The following SETX variants were observed in gnomAD, a reference collection of about 807,000 sequenced individuals.
SETX encodes the protein helicase senataxin.
Under a neutral mutation model 227.2 loss-of-function variants are expected in SETX, and 90 were observed. The observed-to-expected ratio is 0.40, with a 90% CI of 0.33 to 0.47. The LOEUF (loss-of-function observed/expected upper bound fraction) is 0.47, where lower values mean the gene tolerates loss of function less well. SETX is among the 20% of genes least tolerant of loss of function. The pLI, the probability that SETX is intolerant of heterozygous loss-of-function variation, is 0.91. For missense variants in SETX, 3,052 were observed against 3,181.5 expected, an observed-to-expected ratio of 0.96 and a Z score of 0.98; for synonymous variants, 1,210 against 1,113.2, an observed-to-expected ratio of 1.09 and a Z score of -1.73.
At position 132,300,703 on chromosome 9, in the gene SETX, T is replaced by C; in HGVS notation, c.5475A>G (p.Thr1825=). The part of the protein sequence containing the change: ...PERINEEKKD[T]ERNDIQDLHE... The stretch of plus-strand genomic sequence containing the variant: ...GGAGATCTTGTATGTCATTTCTCTC[T>C]GTATCTTTCTTCTCTTCATTTATTC... The change falls in exon 12 of 26, where the codon ACA becomes ACG. Residue 1825 remains threonine (T), a synonymous_variant. Coordinates refer to ENST00000224140, the MANE Select transcript of SETX (RefSeq NM_015046.7). The C allele has an allele frequency of 6.2e-7, 1 of 1,613,838 alleles. No individual in the cohort carries two copies. Among genetic ancestry groups the C allele is most frequent in the Non-Finnish European group, 8.5e-7 (1 of 1,179,928 alleles).
chr9:132,313,930 GT>G (rs11313530), intron 10 of SETX, among the ~76,000 whole-genome samples: 80,570 of 148,810 alleles, frequency 0.54, 23,799 homozygotes, highest in East Asian at 0.81. Flanking sequence ...AAGTTTTTTG[GT>G]TTTTTTTTTT....
intron 23 of SETX, chr9:132,274,993 A>G: frequency 2.1e-6 from 1 of 475,320 alleles, no homozygotes; most frequent in South Asian, 3.0e-5. Context: ...AAGTCATGGA[A>G]CTAAAAGGTA....
chr9:132,274,744 C>A (rs960581747), intron 23 of SETX, among the ~76,000 whole-genome samples: 3 of 152,206 alleles, frequency 2.0e-5, no homozygotes, highest in Admixed American at 2.0e-4. Flanking sequence ...CCACACCCAG[C>A]CTACAGGTCT....
At chr9:132,352,846 A>G (rs1848671626) in intron 2 of SETX, among the ~76,000 whole-genome samples, 1 of 152,210 alleles carries the variant, frequency 6.6e-6, no homozygotes, top group Non-Finnish European at 1.5e-5. Context: ...CTTGTTGATG[A>G]CATTACCATA....
At chr9:132,274,921 A>T in intron 23 of SETX, 2 of 301,316 alleles carry the variant, frequency 6.6e-6, no homozygotes, top group Non-Finnish European at 1.2e-5. Context: ...TACAAGGGTT[A>T]AATCATTTAT....
chr9:132,352,023 T>C (rs776730032), intron 2 of SETX, among the ~76,000 whole-genome samples: 4 of 152,234 alleles, frequency 2.6e-5, no homozygotes, highest in Admixed American at 6.5e-5. Flanking sequence ...CAACATTAAC[T>C]AGCCAGAAAC....
intron 19 of SETX, 93 bp from the exon 20 acceptor site, chr9:132,281,667 G>A: frequency 2.3e-6 from 2 of 883,314 alleles, no homozygotes; most frequent in Non-Finnish European, 1.9e-6. Context: ...ATTCAGAAAA[G>A]TATCACACTT....
intron 10 of SETX, among the ~76,000 whole-genome samples, chr9:132,325,510 G>C (rs1846682665): frequency 6.6e-6 from 1 of 152,168 alleles, no homozygotes; most frequent in Non-Finnish European, 1.5e-5. Flanking sequence ...CAAAACAAAT[G>C]CACATGGGAA....
rs983961568 is a variant in SETX, at chr9:132,347,757, A to G, written c.178-1286T>C. Among the ~76,000 whole-genome samples the G allele has an allele frequency of 2.2e-4, 33 of 152,080 alleles. 1 individual carries two copies. The highest frequency in any genetic ancestry group is 1.3e-3 in the Admixed American group (20 of 15,268). On this transcript the variant is annotated intron_variant, in intron 3 of 25. Transcript: ENST00000224140. ...GTCTTCCCTTCTATGTTCTAGCCAT[A>G]GCTAACTACCTTAGTGCAGCTTGTG...
Position 132,326,793 on chromosome 9 carries a change from T to G in SETX, c.4805A>C (p.Lys1602Thr). ...LRPTTKIFSSKSTSRIAGLSK... is the reference protein window; with the variant it reads ...LRPTTKIFSSTSTSRIAGLSK... ...AAGACCAGCAATTCGTGAAGTACTC[T>G]TTGAGCTAAAAATCTTAGTGGTAGG... Residue 1602 changes from lysine to threonine, a missense_variant, in exon 10 of 26, where the codon AAG (lysine) becomes ACG (threonine). This residue lies in a region of SETX where 1,483 missense variants were observed against 1,312.0 expected (regional missense o/e 1.13). Transcript: ENST00000224140. 1 of 1,614,258 alleles carries G rather than the reference T, an allele frequency of 6.2e-7. No individual in the cohort carries two copies.
At chr9:132,296,408 C>A (rs538149703) in intron 14 of SETX, among the ~76,000 whole-genome samples, 4 of 152,202 alleles carry the variant, frequency 2.6e-5, no homozygotes, top group Non-Finnish European at 5.9e-5. Flanking sequence ...CAAAAATTAG[C>A]TGTGGGTGGT....
rs1842503988 is a variant in SETX, at chr9:132,263,951, C to T, written c.*288G>A. 4.4e-6 allele frequency: 2 copies of T among 450,482 alleles called. No homozygotes were observed. The highest frequency in any genetic ancestry group is 3.7e-5 in the Admixed American group (1 of 27,270). The allele number at this position is 450,482 out of a possible 1,614,324, so 27.9% of individuals were successfully genotyped here. ...CAAATATACATTTCAACTTTTACAA[C>T]ATTCACTCCAGTCTGACCTCCTTGT... On this transcript the variant is annotated 3_prime_UTR_variant, in exon 26 of 26. Coordinates refer to ENST00000224140, the MANE Select transcript of SETX (RefSeq NM_015046.7).
intron 10 of SETX, among the ~76,000 whole-genome samples, chr9:132,313,750 A>C (rs1845804953): frequency 6.6e-6 from 1 of 152,134 alleles, no homozygotes; most frequent in Admixed American, 6.5e-5. Flanking sequence ...AGTTAAAAGT[A>C]ATCAACCAGG....
At chr9:132,266,747 G>A (rs1476723705) in intron 25 of SETX, among the ~76,000 whole-genome samples, 1 of 152,132 alleles carries the variant, frequency 6.6e-6, no homozygotes, top group Non-Finnish European at 1.5e-5. Context: ...ACTCCAGCCT[G>A]GGCAACAAGG....
At chr9:132,338,114 CAG>C (rs1468164506) in intron 5 of SETX, among the ~76,000 whole-genome samples, 2 of 124,036 alleles carry the variant, frequency 1.6e-5, no homozygotes, top group East Asian at 2.2e-4. Flanking sequence ...TTTTTTGAGA[CAG>C]AGTCTTACTC....
chr9:132,323,881 G>A (rs1359453044), intron 10 of SETX, among the ~76,000 whole-genome samples: 1 of 151,722 alleles, frequency 6.6e-6, no homozygotes, highest in Non-Finnish European at 1.5e-5. Flanking sequence ...CCAGCCTGGG[G>A]GACAGGAGTG....
Position 132,328,863 on chromosome 9 carries a change from G to T in SETX, c.2735C>A (p.Pro912His). 6.2e-7 allele frequency: 1 copy of T among 1,613,922 alleles called. No individual in the cohort carries two copies. The highest frequency in any genetic ancestry group is 8.5e-7 in the Non-Finnish European group (1 of 1,179,946). ...MTNASEKKSS[P>H]FKDLMTVPES... is the part of the protein sequence containing the mutation. The stretch of plus-strand genomic sequence containing the variant: ...AGGTACAGTCATAAGATCTTTAAAG[G>T]GAGATGATTTCTTCTCTGAAGCATT... Residue 912 changes from proline (P) to histidine (H), a missense_variant, in exon 10 of 26, where the codon CCC becomes CAC. Physicochemically the swap from Pro to His is moderately conservative, Grantham distance 77 (BLOSUM62 -2). Transcript: ENST00000224140.
At position 132,326,641 on chromosome 9, in the gene SETX, T is replaced by C; in HGVS notation, c.4957A>G (p.Lys1653Glu). 4.3e-6 allele frequency: 7 copies of C among 1,614,226 alleles called. No individual in the cohort carries two copies. The highest frequency in any genetic ancestry group is 5.1e-6 in the Non-Finnish European group (6 of 1,180,038). Residue 1653 changes from lysine (K) to glutamate (E), a missense_variant, in exon 10 of 26, where the codon AAG becomes GAG. By Grantham distance (56) the Lys-to-Glu change is moderately conservative. Transcript: ENST00000224140. Reference protein sequence around the residue: ...LIAQKPVGEMKNSCNVLHPQS... With the variant: ...LIAQKPVGEMENSCNVLHPQS... ...GGATGAAGAACATTGCACGAATTCT[T>C]CATTTCACCAACTGGCTTCTGAGCT...
At chr9:132,274,068 T>C (rs563952529) in intron 23 of SETX, among the ~76,000 whole-genome samples, 14 of 152,308 alleles carry the variant, frequency 9.2e-5, no homozygotes, top group African/African-American at 3.1e-4. Context: ...TCTTCTAATA[T>C]GGTATATCAT....
Sources: allele counts gnomAD v4.1 joint callset (sites outside exome capture counted in the v4.1 genomes callset), GRCh38; gene constraint gnomAD v4.1.1; regional missense constraint gnomAD v4.1.1; transcripts MANE v1.5; gene names NCBI Gene and HGNC (gene_info 2026-07-23, HGNC 2026-07-21).